Variants in CPZ observed in about 807,000 individuals in gnomAD.
CPZ encodes VEZT/CPZ fusion.
A neutral mutation model predicts 61.8 loss-of-function variants in CPZ; 103 were observed. That is an observed-to-expected ratio of 1.67 (90% confidence interval 1.42 to 1.96). The LOEUF is 1.96. Ranked by LOEUF, CPZ falls within the 30% of genes most tolerant of loss-of-function variation. The probability of loss-of-function intolerance (pLI) is 0.00; values close to 1 mark genes in which losing one functional copy is unlikely to be tolerated. For synonymous variants in CPZ, 551 were observed against 373.7 expected (o/e 1.47, Z -5.47); for missense variants, 1,461 against 914.9 (o/e 1.60, Z -7.70).
intron 8 of CPZ, 82 bp downstream of exon 8, chr4:8,612,244 G>A (rs115947201): frequency 0.01 from 10,705 of 1,062,104 alleles, 270 homozygotes; most frequent in Admixed American, 0.019. Context: ...GTAACTCCAC[G>A]GTCTGCTGCT....
chr4:8,608,948 C>T (rs1405657983), intron 7 of CPZ, among the ~76,000 whole-genome samples: 2 of 146,752 alleles, frequency 1.4e-5, no homozygotes, highest in Non-Finnish European at 3.0e-5. Flanking sequence ...ACACCTGGGC[C>T]ACCGGCGCAT....
chr4:8,618,398 C>G, intron 9 of CPZ, 31 bp from the exon 10 acceptor site: 1 of 1,603,422 alleles, frequency 6.2e-7, no homozygotes. Context: ...GAGCTCACGC[C>G]ATCTCCCTGG....
At chr4:8,605,145 C>T (rs145240030) in intron 4 of CPZ, among the ~76,000 whole-genome samples, 4 of 152,338 alleles carry the variant, frequency 2.6e-5, no homozygotes, top group Admixed American at 1.3e-4. Flanking sequence ...CTGAGGAACA[C>T]GGGTGTTTCC....
intron 3 of CPZ, 185 bp from the exon 4 acceptor site, chr4:8,603,791 C>T: frequency 1.6e-6 from 1 of 618,230 alleles, no homozygotes; most frequent in South Asian, 1.9e-5. Context: ...GTACATACCT[C>T]AGGTGCCGTT....
At chr4:8,593,298 C>T (rs1400996773) in intron 1 of CPZ, among the ~76,000 whole-genome samples, 1 of 152,174 alleles carries the variant, frequency 6.6e-6, no homozygotes, top group African/African-American at 2.4e-5. Context: ...CCGGGTCTTT[C>T]CAGGAACGGG....
intron 2 of CPZ, chr4:8,599,811 T>C: frequency 5.4e-6 from 2 of 367,858 alleles, no homozygotes; most frequent in Non-Finnish European, 9.5e-6. Flanking sequence ...TCATGGTCAC[T>C]GGCTCTGTGC....
intron 1 of CPZ, among the ~76,000 whole-genome samples, chr4:8,597,831 A>G (rs1324884576): frequency 6.6e-6 from 1 of 152,222 alleles, no homozygotes; most frequent in African/African-American, 2.4e-5. Flanking sequence ...ATCTCACAGT[A>G]TTCCTACAAA....
At chr4:8,593,552 G>A (rs1713955748) in intron 1 of CPZ, among the ~76,000 whole-genome samples, 3 of 152,328 alleles carry the variant, frequency 2.0e-5, no homozygotes, top group Admixed American at 2.0e-4. Flanking sequence ...GCTGGATCCT[G>A]GGCTCCCGTC....
chr4:8,608,550 C>T (rs1435303633), intron 7 of CPZ, among the ~76,000 whole-genome samples: 1 of 151,890 alleles, frequency 6.6e-6, no homozygotes, highest in Non-Finnish European at 1.5e-5. Context: ...GGACTGGTCC[C>T]TGCGCTGGGG....
intron 7 of CPZ, 75 bp from the exon 8 acceptor site, chr4:8,611,952 T>TC: frequency 6.2e-7 from 1 of 1,606,136 alleles, no homozygotes; most frequent in Middle Eastern, 1.7e-4. Flanking sequence ...GCGCAGCTCC[T>TC]CCCCTCATTG....
chr4:8,604,588 TCTC>T (rs1186628862), intron 4 of CPZ, among the ~76,000 whole-genome samples: 2 of 152,188 alleles, frequency 1.3e-5, no homozygotes, highest in African/African-American at 2.4e-5. Context: ...TTCAAGCAAT[TCTC>T]CTGCCTCAGC....
At chr4:8,606,649 T>C in intron 5 of CPZ, 88 bp from the exon 6 acceptor site, 1 of 1,544,322 alleles carries the variant, frequency 6.5e-7, no homozygotes, top group Non-Finnish European at 8.9e-7. Context: ...CCCCTGGCCT[T>C]GACCCTCAGC....
At chr4:8,617,839 G>C (rs1170534976) in intron 9 of CPZ, among the ~76,000 whole-genome samples, 1 of 152,202 alleles carries the variant, frequency 6.6e-6, no homozygotes, top group Non-Finnish European at 1.5e-5. Context: ...GACAGGATCA[G>C]GCAGCTTTGG....
intron 9 of CPZ, chr4:8,618,084 G>T: frequency 3.2e-6 from 1 of 314,204 alleles, no homozygotes; most frequent in Non-Finnish European, 6.1e-6. Flanking sequence ...TCCCGCTGGG[G>T]CTGGGAAGGC....
In CPZ at chr4:8,619,390, G is replaced by C. The variant is rs1716487076; in HGVS notation, c.1732G>C (p.Asp578His). Reference sequence around the variant, plus strand: ...CCGGATGAAGAGGGCTGGCCGTGTGGACTTCATTCTGCAACCTCTGGGGAT... The same window carrying C: ...CCGGATGAAGAGGGCTGGCCGTGTGCACTTCATTCTGCAACCTCTGGGGAT... Reference protein sequence around the residue: ...PARMKRAGRVDFILQPLGMGP... With the variant: ...PARMKRAGRVHFILQPLGMGP... Residue 578 changes from aspartate (D) to histidine (H), a missense_variant, in exon 11 of 11, where the codon GAC (aspartate) becomes CAC (histidine). Asp to His is a moderately conservative substitution (Grantham distance 81). Coordinates refer to ENST00000360986, the MANE Select transcript of CPZ (RefSeq NM_001014447.3). 1.9e-6 allele frequency: 3 copies of C among 1,614,202 alleles called. No individual in the cohort carries two copies. In the East Asian group the frequency reaches 6.7e-5, roughly 36 times the overall value.
chr4:8,600,431 C>T (rs112679799), intron 2 of CPZ, among the ~76,000 whole-genome samples: 3 of 152,134 alleles, frequency 2.0e-5, no homozygotes, highest in Non-Finnish European at 2.9e-5. Flanking sequence ...TCTGGGGGTG[C>T]GAGTGTGGAG....
intron 8 of CPZ, among the ~76,000 whole-genome samples, chr4:8,612,909 GAGA>G (rs1005237292): frequency 5.9e-5 from 9 of 152,220 alleles, no homozygotes; most frequent in Admixed American, 1.3e-4. Context: ...CAGGCGGGCA[GAGA>G]AGGTGGCACT....
intron 8 of CPZ, among the ~76,000 whole-genome samples, chr4:8,612,467 C>G (rs1470123238): frequency 2.0e-5 from 3 of 152,118 alleles, no homozygotes; most frequent in Non-Finnish European, 2.9e-5. Flanking sequence ...AGTGGAGTTG[C>G]CAGATGAAAT....
At chr4:8,613,611 C>A (rs1413485722) in intron 8 of CPZ, among the ~76,000 whole-genome samples, 3 of 152,176 alleles carry the variant, frequency 2.0e-5, no homozygotes, top group Non-Finnish European at 4.4e-5. Flanking sequence ...CCCTGTGGCC[C>A]CCGACACAGC....
Sources: gnomAD v4.1 joint callset for allele counts (sites outside exome capture counted in the v4.1 genomes callset) on GRCh38, gnomAD v4.1.1 for gene constraint, MANE v1.5 for transcripts, NCBI Gene and HGNC (gene_info 2026-07-23, HGNC 2026-07-21) for gene names.